FOXN3: variants seen among roughly 807,000 people sequenced by gnomAD.
FOXN3 encodes the protein forkhead box N3.
In FOXN3, 7 loss-of-function variants were observed where a neutral mutation model predicts 38.4. The ratio of observed to expected loss-of-function variants is 0.18; its 90% CI spans 0.10 to 0.34. The LOEUF (loss-of-function observed/expected upper bound fraction) is 0.34, where lower values mean the gene tolerates loss of function less well. FOXN3 is among the 10% of genes least tolerant of loss of function. FOXN3 has a pLI of 1.00. For missense variants in FOXN3, 456 were observed against 613.4 expected (o/e 0.74, Z 2.71); for synonymous variants, 230 against 242.2 (o/e 0.95, Z 0.47).
intron 5 of FOXN3, among the ~76,000 whole-genome samples, chr14:89,171,171 T>G (rs1483425387): frequency 6.6e-6 from 1 of 152,150 alleles, no homozygotes; most frequent in Non-Finnish European, 1.5e-5. Flanking sequence ...CAAGGTATAT[T>G]ATGAATAACT....
chr14:89,388,140 C>T (rs552778329), intron 2 of FOXN3, among the ~76,000 whole-genome samples: 6 of 152,242 alleles, frequency 3.9e-5, no homozygotes, highest in South Asian at 4.2e-4. Flanking sequence ...GCCGAGATTG[C>T]GACATTGCAC....
intron 2 of FOXN3, among the ~76,000 whole-genome samples, chr14:89,354,737 C>A (rs1889136492): frequency 6.6e-6 from 1 of 151,350 alleles, no homozygotes; most frequent in African/African-American, 2.4e-5. Context: ...TGCCTGTAAT[C>A]CCAGCTACTT....
At chr14:89,559,766 C>T (rs1404314223) in intron 1 of FOXN3, among the ~76,000 whole-genome samples, 1 of 152,164 alleles carries the variant, frequency 6.6e-6, no homozygotes. Context: ...CCTCTGAACA[C>T]TGAGTGGAGG....
chr14:89,394,832 G>A (rs1020259639), intron 2 of FOXN3, among the ~76,000 whole-genome samples: 6 of 152,218 alleles, frequency 3.9e-5, no homozygotes, highest in African/African-American at 9.7e-5. Context: ...AGGAAAGGAC[G>A]AGGAACCTAG....
chr14:89,516,524 T>C lies in FOXN3; in HGVS notation c.-15+102504A>G, dbSNP rs527344785. On this transcript the variant is annotated intron_variant, in intron 1 of 6. Coordinates refer to the FOXN3 transcript ENST00000345097. ...TAGTGACTTCTCAGCACATGCAAAG[T>C]TCCGTGCTAGGCACCGTGTTTCAGG... 1.6e-4 allele frequency among the ~76,000 whole-genome samples: 25 copies of C among 151,640 alleles called. No homozygotes were observed. The East Asian group carries it at 4.9e-3, about 30-fold the overall frequency.
intron 1 of FOXN3, among the ~76,000 whole-genome samples, chr14:89,460,212 C>T (rs986136472): frequency 6.6e-6 from 1 of 152,196 alleles, no homozygotes; most frequent in Admixed American, 6.5e-5. Flanking sequence ...CAGGCTGTGT[C>T]TAACAGAGCT....
chr14:89,262,597 T>C (rs1353194032), intron 4 of FOXN3, among the ~76,000 whole-genome samples: 1 of 152,124 alleles, frequency 6.6e-6, no homozygotes. Context: ...AAAGAAAATA[T>C]TGTCTTAACT....
intron 1 of FOXN3, among the ~76,000 whole-genome samples, chr14:89,523,944 G>T (rs1340550055): frequency 6.6e-6 from 1 of 151,574 alleles, no homozygotes; most frequent in Non-Finnish European, 1.5e-5. Context: ...TGTATTTTTA[G>T]TACAGACGGG....
At chr14:89,180,929 G>C (rs2139796096) in intron 4 of FOXN3, 123 bp from the exon 5 acceptor site, 10 of 490,244 alleles carry the variant, frequency 2.0e-5, no homozygotes, top group East Asian at 3.2e-5. Context: ...GAGACAGAGA[G>C]AAACACACAC....
chr14:89,576,509 T>C (rs527578066), intron 1 of FOXN3: 2 of 147,434 alleles, frequency 1.4e-5, no homozygotes, highest in African/African-American at 5.1e-5. Flanking sequence ...AGCAAATGTA[T>C]CACCTTTGTC....
At chr14:89,525,523 A>G (rs564454710) in intron 1 of FOXN3, among the ~76,000 whole-genome samples, 3 of 152,056 alleles carry the variant, frequency 2.0e-5, no homozygotes, top group South Asian at 2.1e-4. Flanking sequence ...TTAGCATACA[A>G]TCAAGAAATA....
In FOXN3 at chr14:89,522,746, T is replaced by C. The variant is rs564930015; in HGVS notation, c.-15+96282A>G. Among the ~76,000 whole-genome samples the C allele has an allele frequency of 2.8e-5, 4 of 144,624 alleles. No individual in the cohort carries two copies. In the East Asian group the frequency reaches 8.2e-4, roughly 30 times the overall value. 94.9% of individuals were successfully genotyped at this position (144,624 alleles called of 152,430 possible). A position where few individuals can be genotyped will look rare whatever the true frequency, so the allele number is the denominator to read the frequency against. The stretch of plus-strand genomic sequence containing the variant: ...ACACAAAGATATATAGCTATTAAAG[T>C]AAACAAAGGAGATAAAGTAAAAAAA... On this transcript the variant is annotated intron_variant, in intron 1 of 6. Coordinates refer to the FOXN3 transcript ENST00000345097.
At chr14:89,274,238 G>C (rs1393161955) in intron 4 of FOXN3, among the ~76,000 whole-genome samples, 1 of 152,176 alleles carries the variant, frequency 6.6e-6, no homozygotes, top group Non-Finnish European at 1.5e-5. Flanking sequence ...CAGGAGTCTG[G>C]TAGTGACATC....
At chr14:89,587,392 C>T (rs1334245151) in intron 1 of FOXN3, among the ~76,000 whole-genome samples, 1 of 152,170 alleles carries the variant, frequency 6.6e-6, no homozygotes, top group Non-Finnish European at 1.5e-5. Flanking sequence ...GCAGGATTTG[C>T]AAATTCAAAT....
At chr14:89,211,061 C>T (rs1188505482) in intron 4 of FOXN3, among the ~76,000 whole-genome samples, 2 of 152,170 alleles carry the variant, frequency 1.3e-5, no homozygotes, top group Non-Finnish European at 2.9e-5. Context: ...GATTCCATTT[C>T]ACATAAAGAT....
At chr14:89,467,804 G>GTTTTTTTTTT (rs68132432) in intron 1 of FOXN3, among the ~76,000 whole-genome samples, 16 of 56,592 alleles carry the variant, frequency 2.8e-4, no homozygotes, top group Non-Finnish European at 3.1e-4. Context: ...TTCTTTCTTT[G>GTTTTTTTTTT]TTTTTTTTTT....
rs71130053 is a variant in FOXN3 at position 89,324,443 on chromosome 14, CGTGTGTGTGTGTGT to C, written c.680+26215_680+26228del. 6.7e-3 allele frequency among the ~76,000 whole-genome samples: 957 copies of C among 143,488 alleles called. 4 individuals are homozygous for C. Among genetic ancestry groups the C allele is most frequent in the Non-Finnish European group, 8.7e-3 (566 of 65,262 alleles). The allele number at this position is 143,488 out of a possible 152,430, so 94.1% of individuals were successfully genotyped here. A position where few individuals can be genotyped will look rare whatever the true frequency, so the allele number is the denominator to read the frequency against. On this transcript the variant is annotated intron_variant, in intron 3 of 5. Coordinates refer to ENST00000557258, the MANE Select transcript of FOXN3 (RefSeq NM_005197.4). ...TTGGTTTGAAACAGCTAAGTGTGTG[CGTGTGTGTGTGTGT>C]GTGTGTGTGTGTGTGTGTGTGTGTG...
chr14:89,280,845 T>G, intron 4 of FOXN3, 105 bp downstream of exon 4: 1 of 961,142 alleles, frequency 1.0e-6, no homozygotes, highest in East Asian at 2.5e-5. Context: ...AAGCGGCCAC[T>G]CCTAAACGGG....
At chr14:89,246,572 ACT>A (rs1885305742) in intron 4 of FOXN3, among the ~76,000 whole-genome samples, 1 of 98,868 alleles carries the variant, frequency 1.0e-5, no homozygotes, top group African/African-American at 3.9e-5. Context: ...AGACAGTCTC[ACT>A]CTGTTGCCAG....
Sources: allele counts gnomAD v4.1 joint callset (sites outside exome capture counted in the v4.1 genomes callset), GRCh38; gene constraint gnomAD v4.1.1; transcripts MANE v1.5; gene names NCBI Gene and HGNC (gene_info 2026-07-23, HGNC 2026-07-21).